Variants in GLI2 observed in about 807,000 individuals in gnomAD.
GLI2 encodes transcription activator GLI2.
In GLI2, 22 loss-of-function variants were observed where a neutral mutation model predicts 78.9. The observed-to-expected ratio is 0.28, with a 90% CI of 0.20 to 0.40. The LOEUF is 0.40. Among genes scored for constraint, GLI2 ranks in the 10% least tolerant of loss-of-function variants. The pLI is 1.00. For synonymous variants in GLI2, 974 were observed against 963.7 expected, an observed-to-expected ratio of 1.01 and a Z score of -0.20; for missense variants, 2,097 against 2,213.2, an observed-to-expected ratio of 0.95 and a Z score of 1.05.
In GLI2 at chr2:120,974,976, A is replaced by G. The variant is rs774219521; in HGVS notation, c.1184A>G (p.Glu395Gly). Residue 395 changes from glutamate to glycine, a missense_variant and splice_region_variant, in exon 9 of 14, where the codon GAG becomes GGG. Coordinates refer to ENST00000361492, the MANE Select transcript of GLI2 (RefSeq NM_001374353.1). ...GGGTGTGCCCTTCCCCTCTCCCAGG[A>G]GCAGCTGGCTGACCTCAAGGAAGAT... ...RPASPLALTQ[E>G]QLADLKEDLD... The G allele has an allele frequency of 3.7e-6, 6 of 1,614,110 alleles. No individual in the cohort carries two copies. The Admixed American group carries it at 5.0e-5, about 13-fold the overall frequency.
chr2:120,810,797 G>A, intron 2 of GLI2, among the ~76,000 whole-genome samples: 1 of 152,226 alleles, frequency 6.6e-6, no homozygotes, highest in East Asian at 1.9e-4. Context: ...TTGCTTTTAG[G>A]ACTAGCTAAG....
intron 2 of GLI2, among the ~76,000 whole-genome samples, chr2:120,906,139 GC>G (rs1470893437): frequency 6.6e-6 from 1 of 152,188 alleles, no homozygotes; most frequent in African/African-American, 2.4e-5. Context: ...GCAGCACGGT[GC>G]GGGGCAGGCA....
intron 1 of GLI2, among the ~76,000 whole-genome samples, chr2:120,740,488 G>A (rs1442885457): frequency 6.6e-6 from 1 of 152,000 alleles, no homozygotes; most frequent in Non-Finnish European, 1.5e-5. Context: ...GTGAGTGCCG[G>A]GTTTCAGCTA....
chr2:120,807,574 A>G (rs1685021166), intron 2 of GLI2, among the ~76,000 whole-genome samples: 1 of 152,162 alleles, frequency 6.6e-6, no homozygotes, highest in Non-Finnish European at 1.5e-5. Flanking sequence ...TGCAAGGAGG[A>G]ACCACACTCT....
intron 2 of GLI2, among the ~76,000 whole-genome samples, chr2:120,924,161 A>G (rs1053140078): frequency 6.6e-5 from 10 of 152,200 alleles, no homozygotes; most frequent in African/African-American, 2.4e-4. Context: ...GTGAAGACCA[A>G]GGAATCCTGG....
intron 1 of GLI2, among the ~76,000 whole-genome samples, chr2:120,759,359 A>G (rs1330222143): frequency 2.0e-5 from 3 of 152,122 alleles, no homozygotes; most frequent in African/African-American, 7.2e-5. Flanking sequence ...CATCCCACAG[A>G]TGCCAGTCTC....
At chr2:120,804,777 C>A (rs895344920) in intron 2 of GLI2, among the ~76,000 whole-genome samples, 1 of 152,350 alleles carries the variant, frequency 6.6e-6, no homozygotes, top group African/African-American at 2.4e-5. Context: ...GCAGGCTGAC[C>A]ACCCAGATGT....
chr2:120,793,227 G>A (rs1159597566), intron 1 of GLI2, among the ~76,000 whole-genome samples: 1 of 152,266 alleles, frequency 6.6e-6, no homozygotes, highest in Non-Finnish European at 1.5e-5. Flanking sequence ...CCCCTTAGCA[G>A]AATTTTGGAG....
intron 2 of GLI2, among the ~76,000 whole-genome samples, chr2:120,903,474 T>C (rs1678365065): frequency 6.6e-6 from 1 of 152,204 alleles, no homozygotes; most frequent in African/African-American, 2.4e-5. Context: ...TGGGCCTCAC[T>C]GAGAGAGACA....
Position 120,825,577 on chromosome 2 carries a change from T to C in GLI2, c.148+28109T>C, listed in dbSNP as rs530304285. Among the ~76,000 whole-genome samples, 9 of 151,104 alleles carry C rather than the reference T, an allele frequency of 6.0e-5. No individual in the cohort carries two copies. In the South Asian group the frequency reaches 1.7e-3, roughly 29 times the overall value. On this transcript the variant is annotated intron_variant, in intron 2 of 13. Transcript: ENST00000361492. The stretch of plus-strand genomic sequence containing the variant: ...CTGGCTGTGAGTGTGCTCCTGGCTG[T>C]GGGTGTGCACCTGGCTGTGAGTGTG...
At chr2:120,786,593 C>G (rs1432474856) in intron 1 of GLI2, among the ~76,000 whole-genome samples, 1 of 152,172 alleles carries the variant, frequency 6.6e-6, no homozygotes, top group Admixed American at 6.5e-5. Context: ...TAGAGCTCAG[C>G]AGGTACCCAG....
intron 2 of GLI2, among the ~76,000 whole-genome samples, chr2:120,870,116 C>G (rs1321002999): frequency 6.6e-6 from 1 of 152,182 alleles, no homozygotes; most frequent in African/African-American, 2.4e-5. Context: ...AGGTCTCACC[C>G]GTGCTCCCTC....
chr2:120,810,229 G>A (rs143907514), intron 2 of GLI2, among the ~76,000 whole-genome samples: 26 of 152,336 alleles, frequency 1.7e-4, no homozygotes, highest in East Asian at 3.9e-4. Context: ...CCAGTGCTAC[G>A]CGGTGAGTAT....
chr2:120,850,911 A>C (rs1050496979), intron 2 of GLI2, among the ~76,000 whole-genome samples: 15 of 152,244 alleles, frequency 9.9e-5, no homozygotes, highest in Admixed American at 5.2e-4. Flanking sequence ...GTGGTATTTT[A>C]ATACCTTCCT....
chr2:120,971,256 C>T (rs1386316401), intron 7 of GLI2, among the ~76,000 whole-genome samples: 1 of 152,226 alleles, frequency 6.6e-6, no homozygotes, highest in Non-Finnish European at 1.5e-5. Context: ...CAAACAAGCT[C>T]ATGTGTGCAG....
chr2:120,774,314 G>A (rs975190053), intron 1 of GLI2, among the ~76,000 whole-genome samples: 8 of 152,204 alleles, frequency 5.3e-5, no homozygotes, highest in Admixed American at 4.6e-4. Context: ...TGTAATTCGC[G>A]TACCATAAAA....
intron 2 of GLI2, among the ~76,000 whole-genome samples, chr2:120,880,943 A>G (rs1346459201): frequency 6.6e-6 from 1 of 152,158 alleles, no homozygotes; most frequent in Non-Finnish European, 1.5e-5. Context: ...AGGGAGCAAA[A>G]TGTGAAATTT....
chr2:120,899,592 C>G (rs1678154603), intron 2 of GLI2, among the ~76,000 whole-genome samples: 1 of 152,146 alleles, frequency 6.6e-6, no homozygotes, highest in Non-Finnish European at 1.5e-5. Flanking sequence ...ATGCAACTTG[C>G]AGTGAACTGA....
At chr2:120,888,694 C>G (rs182992473) in intron 2 of GLI2, among the ~76,000 whole-genome samples, 12 of 152,260 alleles carry the variant, frequency 7.9e-5, no homozygotes, top group Admixed American at 2.0e-4. Context: ...TTTCTTCGTT[C>G]AGAAACGTGT....
Sources: allele counts gnomAD v4.1 joint callset (sites outside exome capture counted in the v4.1 genomes callset), GRCh38; gene constraint gnomAD v4.1.1; transcripts MANE v1.5; gene names NCBI Gene and HGNC (gene_info 2026-07-23, HGNC 2026-07-21).